Variants in PSMD3 observed in about 807,000 individuals in gnomAD.
The protein encoded by PSMD3 is 26S proteasome non-ATPase regulatory subunit 3.
A neutral mutation model predicts 62.8 loss-of-function variants in PSMD3; 5 were observed. The observed-to-expected ratio is 0.08, with a 90% confidence interval of 0.04 to 0.17. PSMD3 has a LOEUF of 0.17. PSMD3 is among the 10% of genes least tolerant of loss of function. The probability of loss-of-function intolerance (pLI) is 1.00; values close to 1 mark genes in which losing one functional copy is unlikely to be tolerated. For missense variants in PSMD3, 524 were observed against 713.6 expected (o/e 0.73, Z 3.03); for synonymous variants, 265 against 283.9 (o/e 0.93, Z 0.67).
rs182781217 is a variant in PSMD3 at position 39,985,371 on chromosome 17, C to T, written c.411+887C>T. On this transcript the variant is annotated intron_variant, in intron 2 of 11. Transcript: ENST00000264639. ...TTCTTCATTTGTTAAACGTGATGAA[C>T]GGATTGGGAAGCGGGCAGTATAAAG... Among the ~76,000 whole-genome samples the T allele has an allele frequency of 1.5e-3, 230 of 152,308 alleles. 1 individual carries two copies. The highest frequency in any genetic ancestry group is 5.1e-3 in the African/African-American group (210 of 41,552).
chr17:39,987,312 T>C (rs1335448953), intron 3 of PSMD3, among the ~76,000 whole-genome samples: 1 of 152,210 alleles, frequency 6.6e-6, no homozygotes, highest in Non-Finnish European at 1.5e-5. Flanking sequence ...CTTAATTCCC[T>C]GGTTTGTTTC....
chr17:39,997,601 G>GACCCCC lies in PSMD3; in HGVS notation c.*20_*21insACCCCC. 1 of 1,368,514 alleles carries GACCCCC rather than the reference G, an allele frequency of 7.3e-7. No individual in the cohort carries two copies. Among genetic ancestry groups the GACCCCC allele is most frequent in the African/African-American group, 1.4e-5 (1 of 69,812 alleles). The allele number at this position is 1,368,514 out of a possible 1,614,324, so 84.8% of individuals were successfully genotyped here. A position where few individuals can be genotyped will look rare whatever the true frequency, so the allele number is the denominator to read the frequency against. Reference sequence around the variant, plus strand: ...CCTTGAGCTGGGGGGCTGGGGAGGGGTAGGGGGAATGGGGACAGGCTCTTT... The same window carrying GACCCCC: ...CCTTGAGCTGGGGGGCTGGGGAGGGGACCCCCTAGGGGGAATGGGGACAGGCTCTTT... On this transcript the variant is annotated 3_prime_UTR_variant, in exon 12 of 12. Transcript: ENST00000264639.
intron 2 of PSMD3, among the ~76,000 whole-genome samples, chr17:39,985,868 T>G (rs8068498): frequency 0.022 from 3,393 of 152,284 alleles, 143 homozygotes; most frequent in African/African-American, 0.076. Flanking sequence ...CAAGAAACCA[T>G]TTTTTGGTCT....
rs777525514 is a variant in PSMD3, at chr17:39,989,832, C to G, written c.780C>G (p.His260Gln). Residue 260 changes from histidine (H) to glutamine (Q), a missense_variant, in exon 5 of 12, where the codon CAC (histidine) becomes CAG (glutamine). Physicochemically the swap from His to Gln is conservative, Grantham distance 24. This residue lies in a region of PSMD3 where 396 missense variants were observed against 475.8 expected (regional missense o/e 0.83). Coordinates refer to ENST00000264639, the MANE Select transcript of PSMD3 (RefSeq NM_002809.4). ...ACCTCCTGCTGCGGAATTACCTACA[C>G]TACAGCTTGTACGACCAGGCTGAGA... Reference protein sequence around the residue: ...LLNLLLRNYLHYSLYDQAEKL... With the variant: ...LLNLLLRNYLQYSLYDQAEKL... 1.2e-6 allele frequency: 2 copies of G among 1,614,234 alleles called. No homozygotes were observed. Among genetic ancestry groups the G allele is most frequent in the African/African-American group, 1.3e-5 (1 of 75,054 alleles).
intron 6 of PSMD3, among the ~76,000 whole-genome samples, chr17:39,992,808 A>C (rs1052048966): frequency 4.1e-4 from 62 of 151,590 alleles, no homozygotes; most frequent in Non-Finnish European, 8.3e-4. Flanking sequence ...TCCCTCCCCA[A>C]CAGTGCACTG....
intron 6 of PSMD3, among the ~76,000 whole-genome samples, chr17:39,991,693 G>A (rs898149458): frequency 2.0e-5 from 3 of 152,200 alleles, no homozygotes; most frequent in Non-Finnish European, 2.9e-5. Context: ...CTGTTCAGAA[G>A]TTCAGAGAAA....
intron 6 of PSMD3, among the ~76,000 whole-genome samples, chr17:39,991,475 A>T (rs1302874717): frequency 1.3e-5 from 2 of 152,148 alleles, no homozygotes; most frequent in Non-Finnish European, 2.9e-5. Context: ...TTATTATTAG[A>T]GTATTTCAAA....
Position 39,995,406 on chromosome 17 carries a change from C to A in PSMD3, c.1217-18C>A, listed in dbSNP as rs373677696. 6.2e-7 allele frequency: 1 copy of A among 1,612,526 alleles called. No individual in the cohort carries two copies. The highest frequency in any genetic ancestry group is 1.3e-5 in the African/African-American group (1 of 74,898). On this transcript the variant is annotated intron_variant, in intron 8 of 11. Coordinates refer to ENST00000264639, the MANE Select transcript of PSMD3 (RefSeq NM_002809.4). The surrounding 1 kb of genome is among the most constrained non-coding windows in gnomAD (Gnocchi z 4.1). Reference sequence around the variant, plus strand: ...TCTGTGTCCACTCTGCCCACCCCATCGCTCCTTCCTCTCCCAGGTGTACGC... The same window carrying A: ...TCTGTGTCCACTCTGCCCACCCCATAGCTCCTTCCTCTCCCAGGTGTACGC...
At chr17:39,986,834 T>C (rs1980537636) in intron 3 of PSMD3, 122 bp downstream of exon 3, 9 of 1,306,880 alleles carry the variant, frequency 6.9e-6, no homozygotes, top group Admixed American at 2.0e-5. Flanking sequence ...TCCCCCACAC[T>C]CTTTCCCCAT....
chr17:39,986,376 G>C (rs990821779), intron 2 of PSMD3, among the ~76,000 whole-genome samples, 199 bp from the exon 3 acceptor site: 2 of 152,160 alleles, frequency 1.3e-5, no homozygotes, highest in African/African-American at 4.8e-5. Flanking sequence ...CACTACCGGC[G>C]TGAGCCACCA....
At chr17:39,989,048 C>T (rs1160538514) in intron 4 of PSMD3, among the ~76,000 whole-genome samples, 1 of 152,184 alleles carries the variant, frequency 6.6e-6, no homozygotes, top group East Asian at 1.9e-4. Context: ...AGGTTCTTCC[C>T]TTCACCCCAC....
rs1716177021 is a variant in PSMD3, at chr17:39,996,449, A to G, written c.1476+111A>G. ...TAATTTGTGGCCCACGTCCCAGCCA[A>G]TCTCTGTAAAATCACTGAGCTGCAG... On this transcript the variant is annotated intron_variant, in intron 10 of 11. Transcript: ENST00000264639. The surrounding 1 kb of genome is among the most constrained non-coding windows in gnomAD (Gnocchi z 5.1). 7.1e-7 allele frequency: 1 copy of G among 1,403,128 alleles called. No homozygotes were observed. The highest frequency in any genetic ancestry group is 2.0e-5 in the Admixed American group (1 of 51,182). The allele number at this position is 1,403,128 out of a possible 1,614,324, so 86.9% of individuals were successfully genotyped here.
chr17:39,983,378 A>G (rs1415696210), intron 1 of PSMD3, among the ~76,000 whole-genome samples: 1 of 151,960 alleles, frequency 6.6e-6, no homozygotes, highest in Non-Finnish European at 1.5e-5. Context: ...AAATGTTTCC[A>G]TTTGCAATTA....
rs1335377958 is a variant in PSMD3, at chr17:39,996,478, A to G, written c.1476+140A>G. ...CTGTAAAATCACTGAGCTGCAGCACAGGGGGCCCAGAATGGGGAGGGGACT... is the reference window on the plus strand; with the variant it reads ...CTGTAAAATCACTGAGCTGCAGCACGGGGGGCCCAGAATGGGGAGGGGACT... On this transcript the variant is annotated intron_variant, in intron 10 of 11. Coordinates refer to ENST00000264639, the MANE Select transcript of PSMD3 (RefSeq NM_002809.4). This position sits in a 1 kb window ranked among gnomAD's most constrained non-coding sequence, Gnocchi z 5.1. 1.2e-5 allele frequency: 15 copies of G among 1,222,954 alleles called. No homozygotes were observed. The Admixed American group carries it at 3.0e-4, about 24-fold the overall frequency. The allele number at this position is 1,222,954 out of a possible 1,614,324, so 75.8% of individuals were successfully genotyped here.
rs1303210005 is a variant in PSMD3 at position 39,996,175 on chromosome 17, G to A, written c.1321-8G>A. On this transcript the variant is annotated splice_region_variant and splice_polypyrimidine_tract_variant and intron_variant, in intron 9 of 11. Coordinates refer to ENST00000264639, the MANE Select transcript of PSMD3 (RefSeq NM_002809.4). The surrounding 1 kb of genome is among the most constrained non-coding windows in gnomAD (Gnocchi z 5.1). Reference sequence around the variant, plus strand: ...TGCTGGTGAACTTTCCTCTTTGGGGGCCTGCAGGCCATCCGGGATGGTGTC... The same window carrying A: ...TGCTGGTGAACTTTCCTCTTTGGGGACCTGCAGGCCATCCGGGATGGTGTC... The A allele has an allele frequency of 2.5e-6, 4 of 1,613,486 alleles. No homozygotes were observed. The South Asian group carries it at 3.3e-5, about 13-fold the overall frequency.
chr17:39,981,570 G>A (rs568641322), intron 1 of PSMD3, among the ~76,000 whole-genome samples: 1 of 152,192 alleles, frequency 6.6e-6, no homozygotes, highest in Admixed American at 6.5e-5. Context: ...GTTTGTGTCT[G>A]TGTGTAAACA....
At chr17:39,991,091 G>A (rs1980644647) in intron 6 of PSMD3, among the ~76,000 whole-genome samples, 1 of 152,062 alleles carries the variant, frequency 6.6e-6, no homozygotes, top group African/African-American at 2.4e-5. Flanking sequence ...TGATTCTCCT[G>A]CCTCAGCTTC....
At chr17:39,981,351 C>T (rs950645172) in intron 1 of PSMD3, among the ~76,000 whole-genome samples, 161 bp downstream of exon 1, 24 of 152,230 alleles carry the variant, frequency 1.6e-4, no homozygotes, top group African/African-American at 5.5e-4. Flanking sequence ...CGACTCCAGG[C>T]CCAATGACTG....
rs987085048 is a variant in PSMD3, at chr17:39,983,976, G to A, written c.221-318G>A. Reference sequence around the variant, plus strand: ...GCACTTTGGGAGGCCAAGGCGGGCAGATCACGAGGTCAGGAGATCGAGACC... The same window carrying A: ...GCACTTTGGGAGGCCAAGGCGGGCAAATCACGAGGTCAGGAGATCGAGACC... On this transcript the variant is annotated intron_variant, in intron 1 of 11. Coordinates refer to ENST00000264639, the MANE Select transcript of PSMD3 (RefSeq NM_002809.4). Among the ~76,000 whole-genome samples the A allele has an allele frequency of 1.5e-4, 23 of 152,230 alleles. No homozygotes were observed. In the South Asian group the frequency reaches 2.1e-3, roughly 14 times the overall value.
Sources: allele counts gnomAD v4.1 joint callset (sites outside exome capture counted in the v4.1 genomes callset), GRCh38; gene constraint gnomAD v4.1.1; regional missense constraint gnomAD v4.1.1; non-coding constraint Gnocchi (gnomAD v3.1); transcripts MANE v1.5; gene names NCBI Gene and HGNC (gene_info 2026-07-23, HGNC 2026-07-21).